HS3ST6: variants seen among roughly 807,000 people sequenced by gnomAD.
The protein encoded by HS3ST6 is heparan sulfate-glucosamine 3-sulfotransferase 6.
Under a neutral mutation model 11.0 loss-of-function variants are expected in HS3ST6, and 13 were observed. The ratio of observed to expected loss-of-function variants is 1.18; its 90% CI spans 0.77 to 1.88. The LOEUF (loss-of-function observed/expected upper bound fraction) is 1.88. HS3ST6 is among the 40% of genes most tolerant of loss of function. The pLI is 0.00. For synonymous variants in HS3ST6, 232 were observed against 230.6 expected (o/e 1.01, Z -0.06); for missense variants, 541 against 494.4 (o/e 1.09, Z -0.89).
In HS3ST6 at chr16:1,917,985, G is replaced by A; in HGVS notation, c.339C>T (p.His113=). The change falls in exon 1 of 2, where the codon CAC becomes CAT. Residue 113 remains histidine, a synonymous_variant. Coordinates refer to ENST00000454677, the MANE Select transcript of HS3ST6 (RefSeq NM_001009606.4). ...CAGAGCCCAGCGCGCGGACGTCGGGGTGCAGCCGCAGAAACTCCAGCAGGG... is the reference window on the plus strand; with the variant it reads ...CAGAGCCCAGCGCGCGGACGTCGGGATGCAGCCGCAGAAACTCCAGCAGGG... ...TRALLEFLRL[H]PDVRALGSEP... is the part of the protein sequence containing the mutation. 6.4e-7 allele frequency: 1 copy of A among 1,554,372 alleles called. No homozygotes were observed. Among genetic ancestry groups the A allele is most frequent in the Non-Finnish European group, 8.6e-7 (1 of 1,159,572 alleles).
chr16:1,911,593 G>T lies in HS3ST6; in HGVS notation c.1026C>A (p.Gly342=). ...YQMTGQDFGW[G] ...CTGAGCATCCCCAGGGTGCCGCTCA[G>T]CCCCAGCCGAAGTCCTGGCCCGTCA... The change falls in exon 2 of 2, where the codon GGC becomes GGA. Residue 342 remains glycine, a synonymous_variant. Coordinates refer to ENST00000454677, the MANE Select transcript of HS3ST6 (RefSeq NM_001009606.4). 2 of 1,597,322 alleles carry T rather than the reference G, an allele frequency of 1.3e-6. No homozygotes were observed. Among genetic ancestry groups the T allele is most frequent in the South Asian group, 2.2e-5 (2 of 89,100 alleles).
rs994606558 is a variant in HS3ST6, at chr16:1,918,231, C to T, written c.93G>A (p.Pro31=). Reference sequence around the variant, plus strand: ...CGAGCACCAGGGCCACGAGCAGCATCGGCGCGCGGGACGCCCGCAGAGCGG... The same window carrying T: ...CGAGCACCAGGGCCACGAGCAGCATTGGCGCGCGGGACGCCCGCAGAGCGG... ...QGAALRASRA[P]MLLVALVLGA... is the part of the protein sequence containing the mutation. The change falls in exon 1 of 2, where the codon CCG becomes CCA. Residue 31 remains proline (P), a synonymous_variant. Transcript: ENST00000454677. This position sits in a 1 kb window ranked among gnomAD's most constrained non-coding sequence, Gnocchi z 6.0. 2.9e-6 allele frequency: 3 copies of T among 1,033,590 alleles called. No individual in the cohort carries two copies. In the African/African-American group the frequency reaches 5.2e-5, roughly 18 times the overall value. The allele number at this position is 1,033,590 out of a possible 1,614,324, so 64.0% of individuals were successfully genotyped here.
At chr16:1,915,416 C>T (rs1657146) in intron 1 of HS3ST6, among the ~76,000 whole-genome samples, 56,211 of 152,042 alleles carry the variant, frequency 0.37, 10,578 homozygotes, top group South Asian at 0.55. Flanking sequence ...GCTGGGAATA[C>T]AGGCACCCAT....
At chr16:1,917,849 T>C in intron 1 of HS3ST6, 62 bp downstream of exon 1, 1 of 1,223,252 alleles carries the variant, frequency 8.2e-7, no homozygotes, top group Non-Finnish European at 1.1e-6. Context: ...CGCTGCTCCC[T>C]GGGGCGCACG....
intron 1 of HS3ST6, 80 bp downstream of exon 1, chr16:1,917,831 T>A: frequency 8.9e-7 from 1 of 1,117,776 alleles, no homozygotes; most frequent in East Asian, 3.2e-5. Context: ...GGAGGCAGGA[T>A]ATCGTGCCGC....
At chr16:1,920,791 T>G (rs2082960288), upstream of HS3ST6, among the ~76,000 whole-genome samples, 1 of 151,988 alleles carries the variant, frequency 6.6e-6, no homozygotes, top group Non-Finnish European at 1.5e-5. Context: ...GCTACACACC[T>G]CGGGGCGCCC....
rs1352218265 is a variant in HS3ST6, at chr16:1,918,021, G to T, written c.303C>A (p.Gly101=). The T allele has an allele frequency of 2.0e-6, 3 of 1,535,686 alleles. No individual in the cohort carries two copies. Among genetic ancestry groups the T allele is most frequent in the East Asian group, 2.5e-5 (1 of 39,810 alleles). The part of the protein sequence containing the change: ...PQALIVGVKK[G]GTRALLEFLR... ...GAAACTCCAGCAGGGCGCGCGTGCC[G>T]CCCTTCTTCACGCCAACGATGAGCG... Residue 101 remains glycine, a synonymous_variant, in exon 1 of 2, where the codon GGC becomes GGA. Transcript: ENST00000454677. This position sits in a 1 kb window ranked among gnomAD's most constrained non-coding sequence, Gnocchi z 6.0.
upstream of HS3ST6, among the ~76,000 whole-genome samples, chr16:1,919,963 C>T (rs551106059): frequency 1.2e-4 from 18 of 152,182 alleles, no homozygotes; most frequent in African/African-American, 3.6e-4. Context: ...CGGGCTGGCT[C>T]GGGGTGGGGG....
intron 1 of HS3ST6, among the ~76,000 whole-genome samples, chr16:1,916,830 G>A (rs2082929875): frequency 2.0e-5 from 3 of 151,300 alleles, no homozygotes; most frequent in Non-Finnish European, 4.4e-5. Context: ...CTGCAGCAGG[G>A]ATTAGGGATG....
Position 1,912,053 on chromosome 16 carries a change from G to T in HS3ST6, c.566C>A (p.Ser189Tyr). The T allele has an allele frequency of 6.6e-7, 1 of 1,515,142 alleles. No individual in the cohort carries two copies. Among genetic ancestry groups the T allele is most frequent in the Non-Finnish European group, 8.8e-7 (1 of 1,133,126 alleles). The allele number at this position is 1,515,142 out of a possible 1,614,324, so 93.9% of individuals were successfully genotyped here. Residue 189 changes from serine to tyrosine, a missense_variant, in exon 2 of 2, where the codon TCC becomes TAC. Transcript: ENST00000454677. This position sits in a 1 kb window ranked among gnomAD's most constrained non-coding sequence, Gnocchi z 5.6. ...CTTGGAGAGCGTCTGGGCGTAGTCG[G>T]AGATGGCCCGGGTCACGGGGTTCCG... is the stretch of plus-strand genomic sequence containing the variant. ...VVRNPVTRAI[S>Y]DYAQTLSKTP...
rs1310131363 is a variant in HS3ST6, at chr16:1,912,682, G to A, written c.414-477C>T. On this transcript the variant is annotated intron_variant, in intron 1 of 1. Transcript: ENST00000454677. This position sits in a 1 kb window ranked among gnomAD's most constrained non-coding sequence, Gnocchi z 5.6. ...ACTTGAGGTCACCCGTTCACTCAGT[G>A]GCTGACAGCATCCCCTAAATCAGCC... Among the ~76,000 whole-genome samples the A allele has an allele frequency of 1.3e-5, 2 of 152,008 alleles. No homozygotes were observed. Among genetic ancestry groups the A allele is most frequent in the African/African-American group, 4.8e-5 (2 of 41,382 alleles).
At position 1,918,379 on chromosome 16, in the gene HS3ST6, G is replaced by T; in HGVS notation, c.-56C>A. 1 of 201,516 alleles carries T rather than the reference G, an allele frequency of 5.0e-6. No individual in the cohort carries two copies. The highest frequency in any genetic ancestry group is 1.5e-4 in the South Asian group (1 of 6,706). 12.5% of individuals were successfully genotyped at this position (201,516 alleles called of 1,614,324 possible). A position where few individuals can be genotyped will look rare whatever the true frequency, so the allele number is the denominator to read the frequency against. On this transcript the variant is annotated 5_prime_UTR_variant, in exon 1 of 2. Transcript: ENST00000454677. This position sits in a 1 kb window ranked among gnomAD's most constrained non-coding sequence, Gnocchi z 6.0. ...GGGCAGCAGGCGGGCGCGCATCTCG[G>T]CCCGCGCGCCGCTCAGTCCGTGGGT... is the stretch of plus-strand genomic sequence containing the variant.
chr16:1,912,271 C>T lies in HS3ST6; in HGVS notation c.414-66G>A, dbSNP rs373522917. 4.7e-6 allele frequency: 6 copies of T among 1,263,968 alleles called. No individual in the cohort carries two copies. Among genetic ancestry groups the T allele is most frequent in the Non-Finnish European group, 5.0e-6 (5 of 996,924 alleles). 78.3% of individuals were successfully genotyped at this position (1,263,968 alleles called of 1,614,324 possible). A position where few individuals can be genotyped will look rare whatever the true frequency, so the allele number is the denominator to read the frequency against. ...AGCCCTAGACCGGCCCCCAGGGGCC[C>T]GGGACCAAGGCCCCCTTATGCCCGG... On this transcript the variant is annotated intron_variant, in intron 1 of 1. Coordinates refer to ENST00000454677, the MANE Select transcript of HS3ST6 (RefSeq NM_001009606.4). This position sits in a 1 kb window ranked among gnomAD's most constrained non-coding sequence, Gnocchi z 5.6.
At chr16:1,914,898 G>C (rs951438581) in intron 1 of HS3ST6, among the ~76,000 whole-genome samples, 1 of 152,164 alleles carries the variant, frequency 6.6e-6, no homozygotes, top group South Asian at 2.1e-4. Context: ...AGGAGGGAGA[G>C]GAGCAGGACT....
Position 1,913,235 on chromosome 16 carries a change from A to C in HS3ST6, c.414-1030T>G, listed in dbSNP as rs938306287. 2.6e-5 allele frequency among the ~76,000 whole-genome samples: 4 copies of C among 152,276 alleles called. No homozygotes were observed. In the East Asian group the frequency reaches 7.7e-4, roughly 29 times the overall value. The stretch of plus-strand genomic sequence containing the variant: ...CGCCGGCCGGAGGATCCTTCCCAAG[A>C]CCCTGGGCCGCTGTGGCCCCCTAGA... On this transcript the variant is annotated intron_variant, in intron 1 of 1. Transcript: ENST00000454677.
At chr16:1,914,016 C>T (rs1393304147) in intron 1 of HS3ST6, among the ~76,000 whole-genome samples, 1 of 152,322 alleles carries the variant, frequency 6.6e-6, no homozygotes, top group African/African-American at 2.4e-5. Context: ...CGGACAAGTC[C>T]TCCTCCGTCT....
Position 1,917,919 on chromosome 16 carries a change from G to T in HS3ST6, c.405C>A (p.Ala135=). 2 of 1,478,474 alleles carry T rather than the reference G, an allele frequency of 1.4e-6. No individual in the cohort carries two copies. The highest frequency in any genetic ancestry group is 9.0e-7 in the Non-Finnish European group (1 of 1,116,422). 91.6% of individuals were successfully genotyped at this position (1,478,474 alleles called of 1,614,324 possible). A position where few individuals can be genotyped will look rare whatever the true frequency, so the allele number is the denominator to read the frequency against. ...FFDRCYERGL[A]WYRSLMPRTL... The stretch of plus-strand genomic sequence containing the variant: ...CGGGCCAGGGTGCTCACCGGTACCA[G>T]GCGAGGCCGCGCTCGTAGCACCTGT... Residue 135 remains alanine (A), a synonymous_variant, in exon 1 of 2, where the codon GCC becomes GCA. Transcript: ENST00000454677.
chr16:1,911,667 G>C lies in HS3ST6; in HGVS notation c.952C>G (p.Arg318Gly). The C allele has an allele frequency of 6.2e-7, 1 of 1,611,168 alleles. No homozygotes were observed. Among genetic ancestry groups the C allele is most frequent in the South Asian group, 1.1e-5 (1 of 90,886 alleles). Residue 318 changes from arginine (R) to glycine (G), a missense_variant, in exon 2 of 2, where the codon CGG becomes GGG. Transcript: ENST00000454677. ...GGCCGGTAGAACTCCTGCAGGCGCC[G>C]GACCAGGGCCTGGGGCACGCGTGGG... ...PHPRVPQALV[R>G]RLQEFYRPFN...
intron 1 of HS3ST6, among the ~76,000 whole-genome samples, chr16:1,914,510 C>T (rs1197780369): frequency 1.3e-5 from 2 of 152,204 alleles, no homozygotes; most frequent in African/African-American, 4.8e-5. Context: ...AGGCCCTTCC[C>T]TCCCGTCTCG....
Sources: allele counts gnomAD v4.1 joint callset (sites outside exome capture counted in the v4.1 genomes callset), GRCh38; gene constraint gnomAD v4.1.1; non-coding constraint Gnocchi (gnomAD v3.1); transcripts MANE v1.5; gene names NCBI Gene and HGNC (gene_info 2026-07-23, HGNC 2026-07-21).